CDH23: variants seen among roughly 807,000 people sequenced by gnomAD.
The protein encoded by CDH23 is cadherin-23.
In CDH23, 189 loss-of-function variants were observed where a neutral mutation model predicts 317.1. That is an observed-to-expected ratio of 0.60 (90% confidence interval 0.53 to 0.67). The LOEUF is 0.67. Ranked by LOEUF, CDH23 falls within the 30% of genes least tolerant of loss-of-function variation. The probability of loss-of-function intolerance (pLI) is 0.00; values close to 1 mark genes in which losing one functional copy is unlikely to be tolerated. For synonymous variants in CDH23, 1,839 were observed against 1,876.8 expected (o/e 0.98, Z 0.52); for missense variants, 4,401 against 4,592.4 (o/e 0.96, Z 1.20).
chr10:71,529,001 G>GTC (rs146976909), intron 6 of CDH23, among the ~76,000 whole-genome samples: 2,039 of 151,276 alleles, frequency 0.013, 57 homozygotes, highest in African/African-American at 0.047. Context: ...CTATGGGAGG[G>GTC]TCTCTCTCTC....
chr10:71,664,896 C>T (rs544270716), intron 14 of CDH23, among the ~76,000 whole-genome samples: 2 of 145,906 alleles, frequency 1.4e-5, no homozygotes, highest in Non-Finnish European at 3.0e-5. Flanking sequence ...CTCCCCTCCC[C>T]ATCTTCCTTT....
In CDH23 at chr10:71,537,031, G is replaced by A. The variant is rs1030908929; in HGVS notation, c.429+25819G>A. Among the ~76,000 whole-genome samples, 6 of 152,154 alleles carry A rather than the reference G, an allele frequency of 3.9e-5. No individual in the cohort carries two copies. The East Asian group carries it at 5.8e-4, about 15-fold the overall frequency. ...AAGGCTCCATATTGCCTTCGCCACCGTGCACTGGACAGGACTGCCACAGGA... is the reference window on the plus strand; with the variant it reads ...AAGGCTCCATATTGCCTTCGCCACCATGCACTGGACAGGACTGCCACAGGA... On this transcript the variant is annotated intron_variant, in intron 6 of 69. Coordinates refer to ENST00000224721, the MANE Select transcript of CDH23 (RefSeq NM_022124.6).
intron 16 of CDH23, 129 bp downstream of exon 16, chr10:71,677,822 G>T: frequency 1.3e-6 from 1 of 751,890 alleles, no homozygotes; most frequent in Non-Finnish European, 2.2e-6. Context: ...CTGGAGTGCA[G>T]TGGTACAATC....
chr10:71,698,993 T>C (rs1423014006), intron 22 of CDH23, among the ~76,000 whole-genome samples: 1 of 152,156 alleles, frequency 6.6e-6, no homozygotes, highest in Non-Finnish European at 1.5e-5. Context: ...CCCCACCCGA[T>C]AGAACTGTGA....
At chr10:71,641,775 G>T (rs182645102) in intron 11 of CDH23, among the ~76,000 whole-genome samples, 2 of 152,206 alleles carry the variant, frequency 1.3e-5, no homozygotes, top group African/African-American at 4.8e-5. Flanking sequence ...CAGTCCAAAA[G>T]AGTCCAAAAA....
chr10:71,812,220 G>A (rs1477852552), intron 66 of CDH23: 2 of 1,592,446 alleles, frequency 1.3e-6, no homozygotes, highest in South Asian at 1.1e-5. Flanking sequence ...TGGGCCTCAA[G>A]TTCCAGGGGA....
chr10:71,444,734 A>C (rs915815206), intron 2 of CDH23, among the ~76,000 whole-genome samples: 2 of 152,170 alleles, frequency 1.3e-5, no homozygotes, highest in African/African-American at 2.4e-5. Flanking sequence ...CCATACCCAG[A>C]TGCCAACCTT....
intron 11 of CDH23, among the ~76,000 whole-genome samples, chr10:71,640,348 A>G (rs769203466): frequency 1.3e-5 from 2 of 152,158 alleles, no homozygotes; most frequent in Non-Finnish European, 2.9e-5. Flanking sequence ...CTTATACCTT[A>G]CAGGCCAATG....
At chr10:71,525,276 C>A (rs1272093841) in intron 6 of CDH23, among the ~76,000 whole-genome samples, 2 of 152,232 alleles carry the variant, frequency 1.3e-5, no homozygotes, top group African/African-American at 4.8e-5. Context: ...GGTGATAAAT[C>A]TGTGTTGTTT....
rs941810796 is a variant in CDH23, at chr10:71,518,395, G to A, written c.429+7183G>A. Among the ~76,000 whole-genome samples, 3 of 152,346 alleles carry A rather than the reference G, an allele frequency of 2.0e-5. No homozygotes were observed. The South Asian group carries it at 6.2e-4, about 32-fold the overall frequency. On this transcript the variant is annotated intron_variant, in intron 6 of 69. Transcript: ENST00000224721. ...GATTTGCAATAAGTTGCAGGGCTGA[G>A]GCCCTGATCCATCCCTGGCTGGGGT...
chr10:71,662,290 G>A (rs932314543), intron 14 of CDH23, among the ~76,000 whole-genome samples: 6 of 152,038 alleles, frequency 3.9e-5, no homozygotes, highest in Admixed American at 2.0e-4. Flanking sequence ...ATCAGCACCC[G>A]CCAGTGACAG....
At chr10:71,419,567 A>T (rs1848661653) in intron 1 of CDH23, among the ~76,000 whole-genome samples, 1 of 152,126 alleles carries the variant, frequency 6.6e-6, no homozygotes, top group South Asian at 2.1e-4. Context: ...ATTTTAATTA[A>T]TTTTTGAGCA....
intron 19 of CDH23, among the ~76,000 whole-genome samples, chr10:71,688,825 G>T (rs1264884808): frequency 8.4e-6 from 1 of 118,796 alleles, no homozygotes; most frequent in Admixed American, 8.1e-5. Context: ...GTGGAGCCAG[G>T]GGTGGTGGAG....
At chr10:71,806,095 C>G (rs1000399952) in intron 56 of CDH23, 73 bp from the exon 57 acceptor site, 1 of 1,529,658 alleles carries the variant, frequency 6.5e-7, no homozygotes, top group Non-Finnish European at 8.8e-7. Flanking sequence ...CCTAGGGGAA[C>G]TGGCCACCGG....
At chr10:71,398,643 C>G (rs1162107484) in intron 1 of CDH23, among the ~76,000 whole-genome samples, 2 of 151,998 alleles carry the variant, frequency 1.3e-5, no homozygotes, top group Admixed American at 1.3e-4. Context: ...GGGGTAGGCG[C>G]ACTGCGGTCA....
chr10:71,611,413 G>A (rs1860883508), intron 9 of CDH23, among the ~76,000 whole-genome samples: 1 of 152,200 alleles, frequency 6.6e-6, no homozygotes, highest in African/African-American at 2.4e-5. Flanking sequence ...AAAGTGTGGG[G>A]TTGGCTCAGT....
chr10:71,646,950 T>C, intron 14 of CDH23: 1 of 985,138 alleles, frequency 1.0e-6, no homozygotes. Context: ...GTGCCAGCCA[T>C]CCTTGAGAAG....
intron 3 of CDH23, among the ~76,000 whole-genome samples, chr10:71,454,208 T>C (rs1850581615): frequency 6.6e-6 from 1 of 152,232 alleles, no homozygotes; most frequent in Admixed American, 6.5e-5. Context: ...ACTAGCAGTG[T>C]ACCTCACTTT....
At chr10:71,671,231 C>G (rs1436952341) in intron 14 of CDH23, among the ~76,000 whole-genome samples, 2 of 152,140 alleles carry the variant, frequency 1.3e-5, no homozygotes, top group East Asian at 3.9e-4. Context: ...AACCAAAGTG[C>G]TGGGATTACA....
Sources: allele counts gnomAD v4.1 joint callset (sites outside exome capture counted in the v4.1 genomes callset), GRCh38; gene constraint gnomAD v4.1.1; transcripts MANE v1.5; gene names NCBI Gene and HGNC (gene_info 2026-07-23, HGNC 2026-07-21).